ZNF628: variants seen among roughly 807,000 people sequenced by gnomAD.
ZNF628 encodes zinc finger protein Zec.
A neutral mutation model predicts 2.5 loss-of-function variants in ZNF628; 3 were observed. The observed-to-expected ratio is 1.19, with a 90% CI of 0.54 to 3.07. The LOEUF is 3.07. Among genes scored for constraint, ZNF628 ranks in the 30% most tolerant of loss-of-function variants. ZNF628 has a pLI of 0.03. For missense variants in ZNF628, 1,610 were observed against 1,517.1 expected, an observed-to-expected ratio of 1.06 and a Z score of -1.02; for synonymous variants, 861 against 717.1, an observed-to-expected ratio of 1.20 and a Z score of -3.21.
At position 55,482,270 on chromosome 19, in the gene ZNF628, G is replaced by T. The variant is rs1986740374; in HGVS notation, c.1077G>T (p.Leu359=). Residue 359 remains leucine, a synonymous_variant, in exon 3 of 3, where the codon CTG becomes CTT. Coordinates refer to ENST00000598519, the MANE Select transcript of ZNF628 (RefSeq NM_033113.3). The stretch of plus-strand genomic sequence containing the variant: ...CCCCCGCGCCTGGCTTTGCCTGTCT[G>T]CCCTGCGGCAAGTCCTTCCGGACGG... ...AAAPAPGFAC[L]PCGKSFRTVA... 1 of 1,470,174 alleles carries T rather than the reference G, an allele frequency of 6.8e-7. No individual in the cohort carries two copies. The allele number at this position is 1,470,174 out of a possible 1,614,324, so 91.1% of individuals were successfully genotyped here.
In ZNF628 at chr19:55,483,498, C is replaced by G. The variant is rs778816142; in HGVS notation, c.2305C>G (p.Gln769Glu). 6.5e-7 allele frequency: 1 copy of G among 1,543,506 alleles called. No individual in the cohort carries two copies. The highest frequency in any genetic ancestry group is 8.7e-7 in the Non-Finnish European group (1 of 1,146,226). Residue 769 changes from glutamine (Q) to glutamate (E), a missense_variant, in exon 3 of 3, where the codon CAG becomes GAG. By Grantham distance (29) the Gln-to-Glu change is conservative. This residue lies in a region of ZNF628 where 712 missense variants were observed against 603.6 expected (regional missense o/e 1.18). Transcript: ENST00000598519. Reference sequence around the variant, plus strand: ...CCCGCGGGCAGTGGGGAAAGCGGGCCAGGGGGCGGGAGTGGTCTGGCTGCC... The same window carrying G: ...CCCGCGGGCAGTGGGGAAAGCGGGCGAGGGGGCGGGAGTGGTCTGGCTGCC... ...QGPRAVGKAG[Q>E]GAGVVWLPGP...
rs1335711257 is a variant in ZNF628, at chr19:55,479,158, C to A, written c.-77-676C>A. On this transcript the variant is annotated intron_variant, in intron 1 of 2. Coordinates refer to ENST00000598519, the MANE Select transcript of ZNF628 (RefSeq NM_033113.3). This position sits in a 1 kb window ranked among gnomAD's most constrained non-coding sequence, Gnocchi z 5.1. ...AGAGGTCAGGGAGGTGAGAAGGAACCAAGCTGGGGACTGAGATGGGGTGAC... is the reference window on the plus strand; with the variant it reads ...AGAGGTCAGGGAGGTGAGAAGGAACAAAGCTGGGGACTGAGATGGGGTGAC... Among the ~76,000 whole-genome samples, 1 of 152,096 alleles carries A rather than the reference C, an allele frequency of 6.6e-6. No homozygotes were observed. Among genetic ancestry groups the A allele is most frequent in the African/African-American group, 2.4e-5 (1 of 41,412 alleles).
In ZNF628 at chr19:55,482,444, G is replaced by A. The variant is rs1458642634; in HGVS notation, c.1251G>A (p.Pro417=). 5.2e-6 allele frequency: 7 copies of A among 1,351,700 alleles called. No homozygotes were observed. The highest frequency in any genetic ancestry group is 1.7e-5 in the South Asian group (1 of 58,752). 83.7% of individuals were successfully genotyped at this position (1,351,700 alleles called of 1,614,324 possible). A position where few individuals can be genotyped will look rare whatever the true frequency, so the allele number is the denominator to read the frequency against. ...CHVEEAAAGR[P]PPQAEAAEVT... is the part of the protein sequence containing the mutation. ...TGGAAGAGGCCGCGGCCGGGCGCCC[G>A]CCCCCGCAGGCTGAGGCTGCGGAGG... Residue 417 remains proline, a synonymous_variant, in exon 3 of 3, where the codon CCG becomes CCA. Transcript: ENST00000598519.
In ZNF628 at chr19:55,481,901, C is replaced by T. The variant is rs749718078; in HGVS notation, c.708C>T (p.Ser236=). The change falls in exon 3 of 3, where the codon TCC becomes TCT. Residue 236 remains serine (S), a synonymous_variant. Transcript: ENST00000598519. ...HGAAPAPGTA[S]AAPPPQSREP... ...CCGCCCCCGCCCCGGGTACCGCCTC[C>T]GCGGCCCCGCCCCCCCAGTCCCGGG... The T allele has an allele frequency of 8.1e-6, 12 of 1,487,488 alleles. No homozygotes were observed. The highest frequency in any genetic ancestry group is 4.3e-5 in the African/African-American group (3 of 69,316). The allele number at this position is 1,487,488 out of a possible 1,614,324, so 92.1% of individuals were successfully genotyped here.
At chr19:55,481,149 T>G in intron 2 of ZNF628, 52 bp from the exon 3 acceptor site, 1 of 1,459,904 alleles carries the variant, frequency 6.8e-7, no homozygotes, top group Non-Finnish European at 9.0e-7. Flanking sequence ...GGGTTTGGGG[T>G]TGAGATGATC....
rs1318944370 is a variant in ZNF628 at position 55,479,307 on chromosome 19, G to A, written c.-77-527G>A. 1.3e-5 allele frequency among the ~76,000 whole-genome samples: 2 copies of A among 152,216 alleles called. No individual in the cohort carries two copies. Among genetic ancestry groups the A allele is most frequent in the Non-Finnish European group, 2.9e-5 (2 of 68,034 alleles). The stretch of plus-strand genomic sequence containing the variant: ...CCCAGGCCATGGAGTGGGGGCACCC[G>A]CGTGGGACTGAAGGGGTTTGCGCTG... On this transcript the variant is annotated intron_variant, in intron 1 of 2. Coordinates refer to ENST00000598519, the MANE Select transcript of ZNF628 (RefSeq NM_033113.3). The surrounding 1 kb of genome is among the most constrained non-coding windows in gnomAD (Gnocchi z 5.1).
rs753630702 is a variant in ZNF628, at chr19:55,481,688, C to T, written c.495C>T (p.Arg165=). ...KAFKNSSSLR[R]HRHVHTGERP... is the part of the protein sequence containing the mutation. Reference sequence around the variant, plus strand: ...TCAAGAACTCGTCCAGCCTGCGGCGCCACCGCCACGTGCACACCGGCGAGC... The same window carrying T: ...TCAAGAACTCGTCCAGCCTGCGGCGTCACCGCCACGTGCACACCGGCGAGC... Residue 165 remains arginine, a synonymous_variant, in exon 3 of 3, where the codon CGC becomes CGT. Coordinates refer to ENST00000598519, the MANE Select transcript of ZNF628 (RefSeq NM_033113.3). 1 of 1,613,192 alleles carries T rather than the reference C, an allele frequency of 6.2e-7. No homozygotes were observed. Among genetic ancestry groups the T allele is most frequent in the Non-Finnish European group, 8.5e-7 (1 of 1,179,618 alleles).
At position 55,482,325 on chromosome 19, in the gene ZNF628, C is replaced by G; in HGVS notation, c.1132C>G (p.His378Asp). 6 of 1,461,196 alleles carry G rather than the reference C, an allele frequency of 4.1e-6. No individual in the cohort carries two copies. Among genetic ancestry groups the G allele is most frequent in the Non-Finnish European group, 4.5e-6 (5 of 1,112,218 alleles). 90.5% of individuals were successfully genotyped at this position (1,461,196 alleles called of 1,614,324 possible). Residue 378 changes from histidine to aspartate, a missense_variant, in exon 3 of 3, where the codon CAC becomes GAC. Physicochemically the swap from His to Asp is moderately conservative, Grantham distance 81 (BLOSUM62 -1). Around this residue, in one of 5 missense-constraint regions of ZNF628, gnomAD observed 651 missense variants for 575.6 expected, o/e 1.13. Coordinates refer to ENST00000598519, the MANE Select transcript of ZNF628 (RefSeq NM_033113.3). ...VAGLSRHQHS[H>D]GAAGGQAFRC... ...TGGGCTCTCCCGCCACCAGCACAGC[C>G]ACGGGGCTGCCGGCGGGCAAGCGTT... is the stretch of plus-strand genomic sequence containing the variant.
At chr19:55,481,109 T>C in intron 2 of ZNF628, 92 bp from the exon 3 acceptor site, 1 of 1,423,076 alleles carries the variant, frequency 7.0e-7, no homozygotes, top group Non-Finnish European at 9.2e-7. Flanking sequence ...CCTGGGGAGG[T>C]AGTCCCTGTC....
Position 55,479,055 on chromosome 19 carries a change from AGAGT to A in ZNF628, c.-77-777_-77-774del. 6.6e-6 allele frequency among the ~76,000 whole-genome samples: 1 copy of A among 152,228 alleles called. No individual in the cohort carries two copies. The highest frequency in any genetic ancestry group is 1.9e-4 in the East Asian group (1 of 5,176). On this transcript the variant is annotated intron_variant, in intron 1 of 2. Transcript: ENST00000598519. The surrounding 1 kb of genome is among the most constrained non-coding windows in gnomAD (Gnocchi z 5.1). ...ATTGTTCATAGACAGTGGAGTCCTG[AGAGT>A]GGGTGGGGGCTCCCAGGGAGAGAGG... is the stretch of plus-strand genomic sequence containing the variant.
Position 55,482,013 on chromosome 19 carries a change from C to G in ZNF628, c.820C>G (p.Pro274Ala). ...GCCCGCGCCTCCCGCCCCGCCGCCCCCGCCCCCGCCCGTGGTGCCTGAGCT... is the reference window on the plus strand; with the variant it reads ...GCCCGCGCCTCCCGCCCCGCCGCCCGCGCCCCCGCCCGTGGTGCCTGAGCT... ...SPPAPPAPPPPPPPVVPELFL... is the reference protein window; with the variant it reads ...SPPAPPAPPPAPPPVVPELFL... Residue 274 changes from proline (P) to alanine (A), a missense_variant, in exon 3 of 3, where the codon CCG (proline) becomes GCG (alanine). Physicochemically the swap from Pro to Ala is conservative, Grantham distance 27. Coordinates refer to ENST00000598519, the MANE Select transcript of ZNF628 (RefSeq NM_033113.3). 6.8e-7 allele frequency: 1 copy of G among 1,476,532 alleles called. No individual in the cohort carries two copies. The highest frequency in any genetic ancestry group is 8.9e-7 in the Non-Finnish European group (1 of 1,117,866). The allele number at this position is 1,476,532 out of a possible 1,614,324, so 91.5% of individuals were successfully genotyped here.
In ZNF628 at chr19:55,481,256, C is replaced by A; in HGVS notation, c.63C>A (p.Ala21=). ...DMAPASTAEG[A]GEKPGPAAPA... ...CGCCGGCCTCTACTGCGGAGGGGGC[C>A]GGGGAGAAGCCAGGCCCTGCGGCCC... The change falls in exon 3 of 3, where the codon GCC becomes GCA. Residue 21 remains alanine (A), a synonymous_variant. Coordinates refer to ENST00000598519, the MANE Select transcript of ZNF628 (RefSeq NM_033113.3). 2 of 1,584,220 alleles carry A rather than the reference C, an allele frequency of 1.3e-6. No individual in the cohort carries two copies. The highest frequency in any genetic ancestry group is 1.8e-5 in the Admixed American group (1 of 55,624).
Position 55,482,375 on chromosome 19 carries a change from C to T in ZNF628, c.1182C>T (p.Ser394=), listed in dbSNP as rs1034130959. 3 of 1,427,600 alleles carry T rather than the reference C, an allele frequency of 2.1e-6. No individual in the cohort carries two copies. In the East Asian group the frequency reaches 9.3e-5, roughly 44 times the overall value. 88.4% of individuals were successfully genotyped at this position (1,427,600 alleles called of 1,614,324 possible). Residue 394 remains serine, a synonymous_variant, in exon 3 of 3, where the codon TCC becomes TCT. Coordinates refer to ENST00000598519, the MANE Select transcript of ZNF628 (RefSeq NM_033113.3). The part of the protein sequence containing the change: ...QAFRCGSCDG[S]FPQLASLLAH... ...TCCGCTGCGGCAGCTGCGACGGCTC[C>T]TTCCCGCAGCTGGCCAGCCTCCTGG...
chr19:55,484,237 T>TC lies in ZNF628; in HGVS notation c.3048dup (p.Gly1017ArgfsTer75). 6.5e-7 allele frequency: 1 copy of TC among 1,547,664 alleles called. No homozygotes were observed. The highest frequency in any genetic ancestry group is 8.7e-7 in the Non-Finnish European group (1 of 1,145,796). ...GGCCCAGCCTCGGGCCCCGCGGGGC[T>TC]CCCCGGGGCTCCAGCCTCCCAGATG... On this transcript the variant is annotated frameshift_variant, in exon 3 of 3. Coordinates refer to ENST00000598519, the MANE Select transcript of ZNF628 (RefSeq NM_033113.3). LOFTEE classifies it high-confidence loss of function.
intron 2 of ZNF628, 21 bp from the exon 3 acceptor site, chr19:55,481,179 TG>T: frequency 6.6e-7 from 1 of 1,504,050 alleles, no homozygotes; most frequent in East Asian, 2.4e-5. Context: ...GGTGAGCCGC[TG>T]ACCCAGAATC....
rs1309725465 is a variant in ZNF628 at position 55,479,276 on chromosome 19, G to A, written c.-77-558G>A. The stretch of plus-strand genomic sequence containing the variant: ...TGACAAGTGGGCCATTGCGGGCCAC[G>A]CGCCGCCCAGGCCATGGAGTGGGGG... On this transcript the variant is annotated intron_variant, in intron 1 of 2. Coordinates refer to ENST00000598519, the MANE Select transcript of ZNF628 (RefSeq NM_033113.3). This position sits in a 1 kb window ranked among gnomAD's most constrained non-coding sequence, Gnocchi z 5.1. 6.6e-6 allele frequency among the ~76,000 whole-genome samples: 1 copy of A among 152,164 alleles called. No homozygotes were observed. The highest frequency in any genetic ancestry group is 1.5e-5 in the Non-Finnish European group (1 of 68,028).
In ZNF628 at chr19:55,481,911, C is replaced by G; in HGVS notation, c.718C>G (p.Pro240Ala). The change falls in exon 3 of 3, where the codon CCC (proline) becomes GCC (alanine). Residue 240 changes from proline (P) to alanine (A), a missense_variant. Physicochemically the swap from Pro to Ala is conservative, Grantham distance 27. Around this residue, in one of 5 missense-constraint regions of ZNF628, gnomAD observed 651 missense variants for 575.6 expected, o/e 1.13. Coordinates refer to ENST00000598519, the MANE Select transcript of ZNF628 (RefSeq NM_033113.3). ...CCCGGGTACCGCCTCCGCGGCCCCG[C>G]CCCCCCAGTCCCGGGAGCCCGGCAA... ...PAPGTASAAP[P>A]PQSREPGKVF... The G allele has an allele frequency of 6.8e-7, 1 of 1,467,598 alleles. No homozygotes were observed. Among genetic ancestry groups the G allele is most frequent in the African/African-American group, 1.5e-5 (1 of 68,254 alleles). The allele number at this position is 1,467,598 out of a possible 1,614,324, so 90.9% of individuals were successfully genotyped here. A position where few individuals can be genotyped will look rare whatever the true frequency, so the allele number is the denominator to read the frequency against.
At position 55,481,288 on chromosome 19, in the gene ZNF628, C is replaced by G. The variant is rs751627766; in HGVS notation, c.95C>G (p.Pro32Arg). The G allele has an allele frequency of 3.1e-6, 5 of 1,602,854 alleles. No homozygotes were observed. The highest frequency in any genetic ancestry group is 4.3e-6 in the Non-Finnish European group (5 of 1,176,166). ...AAGCCAGGCCCTGCGGCCCCTGCCC[C>G]GGCGGCCCAGTACGAATGTGGGGAG... The part of the protein sequence containing the change: ...GEKPGPAAPA[P>R]AAQYECGECG... Residue 32 changes from proline (P) to arginine (R), a missense_variant, in exon 3 of 3, where the codon CCG (proline) becomes CGG (arginine). Pro to Arg is a moderately radical substitution (Grantham distance 103, BLOSUM62 -2). Transcript: ENST00000598519.
rs1335142028 is a variant in ZNF628 at position 55,483,031 on chromosome 19, A to C, written c.1838A>C (p.Gln613Pro). The change falls in exon 3 of 3, where the codon CAG (glutamine) becomes CCG (proline). Residue 613 changes from glutamine to proline, a missense_variant. By Grantham distance (76) the Gln-to-Pro change is moderately conservative (BLOSUM62 -1). Transcript: ENST00000598519. ...CACTCCTCCAACCTGCTGCTGCACC[A>C]GCGCACGCACTCGGCGGAGCGCCCC... ...FTHSSNLLLH[Q>P]RTHSAERPFT... 1.2e-6 allele frequency: 2 copies of C among 1,611,894 alleles called. No homozygotes were observed. Among genetic ancestry groups the C allele is most frequent in the Non-Finnish European group, 1.7e-6 (2 of 1,179,482 alleles).
Sources: gnomAD v4.1 joint callset for allele counts (sites outside exome capture counted in the v4.1 genomes callset) on GRCh38, gnomAD v4.1.1 for gene constraint, gnomAD v4.1.1 regional missense constraint, Gnocchi (gnomAD v3.1) non-coding constraint, MANE v1.5 for transcripts, NCBI Gene and HGNC (gene_info 2026-07-23, HGNC 2026-07-21) for gene names.